The following SNURF variants were observed in gnomAD, a reference collection of about 807,000 sequenced individuals.
The protein encoded by SNURF is SNRPN upstream open reading frame, also known as SNURF protein.
SNURF carries 6 observed loss-of-function variants against 11.6 expected under a neutral mutation model. The ratio of observed to expected loss-of-function variants is 0.52; its 90% CI spans 0.28 to 1.02. The LOEUF (loss-of-function observed/expected upper bound fraction) is 1.02, where lower values mean the gene tolerates loss of function less well. Ranked by LOEUF, SNURF falls within the 50% of genes least tolerant of loss-of-function variation. SNURF has a pLI of 0.09. For synonymous variants in SNURF, 29 were observed against 31.6 expected, an observed-to-expected ratio of 0.92 and a Z score of 0.27; for missense variants, 84 against 88.4, an observed-to-expected ratio of 0.95 and a Z score of 0.20.
At chr15:24,962,305 T>C in intron 2 of SNURF, 96 bp downstream of exon 2, 2 of 980,690 alleles carry the variant, frequency 2.0e-6, no homozygotes, top group Non-Finnish European at 3.2e-6. Context: ...ATGAACATAA[T>C]TGAAGAAGCA....
chr15:24,969,772 A>G (rs1184673395), downstream of SNURF, among the ~76,000 whole-genome samples: 1 of 152,188 alleles, frequency 6.6e-6, no homozygotes, highest in Non-Finnish European at 1.5e-5. Flanking sequence ...CCTAAATAGT[A>G]CCCATTACTA....
intron 4 of SNURF, chr15:24,976,262 ATCACTAAAATTTATC>A (rs1566976493): frequency 7.1e-7 from 1 of 1,407,044 alleles, no homozygotes; most frequent in East Asian, 2.3e-5. Flanking sequence ...TGAGTGAGTG[ATCACTAAAATTTATC>A]TCACTAAAAT....
intron 2 of SNURF, among the ~76,000 whole-genome samples, chr15:24,967,602 A>G (rs2075828452): frequency 6.6e-6 from 1 of 151,422 alleles, no homozygotes; most frequent in Admixed American, 6.6e-5. Flanking sequence ...AGATCGTGCC[A>G]CTGCACTCCA....
chr15:24,971,652 T>C (rs765357774), downstream of SNURF, among the ~76,000 whole-genome samples: 1 of 152,140 alleles, frequency 6.6e-6, no homozygotes, highest in East Asian at 1.9e-4. Context: ...GCTAAGCTTG[T>C]GGGAGTTATT....
rs964007398 is a variant in SNURF, at chr15:24,965,849, G to A, written c.111-2083G>A. Among the ~76,000 whole-genome samples the A allele has an allele frequency of 3.3e-5, 5 of 151,446 alleles. No individual in the cohort carries two copies. The East Asian group carries it at 7.7e-4, about 23-fold the overall frequency. ...ACATTGCAATAGAGAATTATCTTAC[G>A]TTTCAAGATAACATTATATATATTT... On this transcript the variant is annotated intron_variant, in intron 2 of 2. Transcript: ENST00000577949.
At chr15:24,968,285 T>G (rs1350954070) in exon 3 of SNURF, 13 of 432,664 alleles carry the variant, frequency 3.0e-5, no homozygotes, top group East Asian at 8.6e-5. Context: ...TTCCAGTTAT[T>G]GTAGCGCATG....
At chr15:24,971,625 T>C (rs975204266), downstream of SNURF, among the ~76,000 whole-genome samples, 2 of 152,140 alleles carry the variant, frequency 1.3e-5, no homozygotes, top group Non-Finnish European at 2.9e-5. Flanking sequence ...CCTAGATGTG[T>C]TTCATACCTC....
At chr15:24,962,321 A>G in intron 2 of SNURF, 112 bp downstream of exon 2, 2 of 820,362 alleles carry the variant, frequency 2.4e-6, no homozygotes. Flanking sequence ...AAGCAGACAC[A>G]TCTAATACAG....
At chr15:24,960,789 A>G (rs559580602) in intron 1 of SNURF, among the ~76,000 whole-genome samples, 1 of 152,284 alleles carries the variant, frequency 6.6e-6, no homozygotes, top group East Asian at 1.9e-4. Flanking sequence ...TTGAAAAAAT[A>G]CTTTTTTGAG....
At chr15:24,977,045 A>G (rs2077133841) in intron 6 of SNURF, 19 of 1,546,866 alleles carry the variant, frequency 1.2e-5, no homozygotes, top group Non-Finnish European at 1.7e-5. Context: ...GAACCAGCAG[A>G]GGGTTTTATA....
chr15:24,978,026 T>A, downstream of SNURF: 1 of 1,236,572 alleles, frequency 8.1e-7, no homozygotes, highest in Non-Finnish European at 1.1e-6. Flanking sequence ...GCTTCCTTCT[T>A]CTAGATACTG....
chr15:24,968,996 T>G (rs2076053179), downstream of SNURF, among the ~76,000 whole-genome samples: 1 of 152,156 alleles, frequency 6.6e-6, no homozygotes, highest in East Asian at 1.9e-4. Flanking sequence ...TATTTACTTT[T>G]TACAAAGTAA....
At chr15:24,962,735 G>A (rs908912264) in intron 2 of SNURF, among the ~76,000 whole-genome samples, 2 of 152,082 alleles carry the variant, frequency 1.3e-5, no homozygotes, top group African/African-American at 4.8e-5. Flanking sequence ...TAGATTTCTA[G>A]AAGGGAAATT....
chr15:24,967,076 C>T (rs914961826), intron 2 of SNURF: 3 of 152,282 alleles, frequency 2.0e-5, no homozygotes, highest in African/African-American at 7.2e-5. Context: ...CTAAACATCT[C>T]CCTGCAAATG....
At chr15:24,967,734 G>A (rs1218282099) in intron 2 of SNURF, among the ~76,000 whole-genome samples, 198 bp from the exon 3 acceptor site, 9 of 148,236 alleles carry the variant, frequency 6.1e-5, no homozygotes, top group Non-Finnish European at 1.2e-4. Flanking sequence ...CTTGAACCCC[G>A]AAGGCAGTGT....
At chr15:24,968,554 A>C (rs1385500584), downstream of SNURF, 1 of 156,008 alleles carries the variant, frequency 6.4e-6, no homozygotes, top group East Asian at 1.9e-4. Context: ...ATTATATTGC[A>C]AAGTATTAAA....
exon 4 of SNURF, chr15:24,975,360 T>C: frequency 1.9e-6 from 3 of 1,613,202 alleles, no homozygotes; most frequent in Non-Finnish European, 2.5e-6. Flanking sequence ...GCTTCTAGAC[T>C]GTTGGCAAGA....
chr15:24,973,125 G>A (rs1339576126), downstream of SNURF, among the ~76,000 whole-genome samples: 1 of 152,154 alleles, frequency 6.6e-6, no homozygotes, highest in African/African-American at 2.4e-5. Flanking sequence ...TTGACCTCAG[G>A]TGATCCGCCC....
chr15:24,977,812 C>T, exon 7 of SNURF: 2 of 1,612,938 alleles, frequency 1.2e-6, no homozygotes, highest in Non-Finnish European at 1.7e-6. Flanking sequence ...ACTGTAGCAG[C>T]TGCTGCTGTT....
Sources: allele counts gnomAD v4.1 joint callset (sites outside exome capture counted in the v4.1 genomes callset), GRCh38; gene constraint gnomAD v4.1.1; transcripts MANE v1.5; gene names NCBI Gene and HGNC (gene_info 2026-07-23, HGNC 2026-07-21).